ADORA2B: variants seen among roughly 807,000 people sequenced by gnomAD.
ADORA2B encodes the protein adenosine A2b receptor.
Under a neutral mutation model 20.8 loss-of-function variants are expected in ADORA2B, and 18 were observed. The observed-to-expected ratio is 0.87, with a 90% CI of 0.60 to 1.29. The LOEUF is 1.29. ADORA2B is among the 50% of genes most tolerant of loss of function. ADORA2B has a pLI of 0.00. For missense variants in ADORA2B, 441 were observed against 422.7 expected (o/e 1.04, Z -0.38); for synonymous variants, 179 against 178.3 (o/e 1.00, Z -0.03).
At chr17:15,909,733 A>G in the ADORA2B span, among the ~76,000 whole-genome samples, 2 of 152,206 alleles carry the variant, frequency 1.3e-5, no homozygotes, top group Non-Finnish European at 2.9e-5. Context: ...GGCTGACAGC[A>G]AATCCCAACA....
At chr17:15,938,371 C>T in the ADORA2B span, among the ~76,000 whole-genome samples, 4 of 152,114 alleles carry the variant, frequency 2.6e-5, no homozygotes, top group South Asian at 4.1e-4. Flanking sequence ...GGTGCAATCT[C>T]GGCTCACTGC....
At chr17:15,916,798 G>A in the ADORA2B span, among the ~76,000 whole-genome samples, 1 of 152,196 alleles carries the variant, frequency 6.6e-6, no homozygotes. Flanking sequence ...CCCTTAGAAG[G>A]GGTTGTGGCA....
At chr17:15,924,848 T>A in the ADORA2B span, among the ~76,000 whole-genome samples, 2 of 152,020 alleles carry the variant, frequency 1.3e-5, no homozygotes, top group African/African-American at 4.8e-5. Flanking sequence ...CTTTCAAATG[T>A]TTTTTTCTTT....
At chr17:15,895,480 A>C in the ADORA2B span, among the ~76,000 whole-genome samples, 1 of 152,290 alleles carries the variant, frequency 6.6e-6, no homozygotes, top group East Asian at 1.9e-4. Context: ...GTTGCACAGC[A>C]AATCCGGAGC....
At chr17:15,890,460 T>TTTA in the ADORA2B span, among the ~76,000 whole-genome samples, 26 of 83,312 alleles carry the variant, frequency 3.1e-4, 6 homozygotes, top group Non-Finnish European at 4.3e-4. Context: ...CATTCCTTTC[T>TTTA]TTTATTTATT....
intron 1 of ADORA2B, among the ~76,000 whole-genome samples, chr17:15,950,691 C>T (rs552496464): frequency 1.3e-5 from 2 of 152,190 alleles, no homozygotes; most frequent in African/African-American, 4.8e-5. Context: ...CACATCATAC[C>T]GTTCCCCTGC....
At chr17:15,880,490 C>T in the ADORA2B span, among the ~76,000 whole-genome samples, 2 of 142,706 alleles carry the variant, frequency 1.4e-5, no homozygotes, top group Non-Finnish European at 3.0e-5. Flanking sequence ...TGGGCAAGGG[C>T]CAAGACCACT....
At chr17:15,921,136 C>A in the ADORA2B span, among the ~76,000 whole-genome samples, 2 of 151,972 alleles carry the variant, frequency 1.3e-5, no homozygotes, top group Non-Finnish European at 2.9e-5. Flanking sequence ...GAGGATTTCT[C>A]CCCTGCTTCA....
At chr17:15,952,211 A>G (rs1969914113) in intron 1 of ADORA2B, among the ~76,000 whole-genome samples, 1 of 152,108 alleles carries the variant, frequency 6.6e-6, no homozygotes, top group Admixed American at 6.6e-5. Context: ...TCAGTTTATT[A>G]TCACAGCATG....
At chr17:15,950,782 C>T (rs937260263) in intron 1 of ADORA2B, among the ~76,000 whole-genome samples, 7 of 152,192 alleles carry the variant, frequency 4.6e-5, no homozygotes, top group African/African-American at 1.7e-4. Flanking sequence ...GCCTTCACCC[C>T]CCAATTCTCA....
intron 1 of ADORA2B, among the ~76,000 whole-genome samples, chr17:15,945,989 C>T (rs1047144517): frequency 3.9e-5 from 6 of 152,222 alleles, no homozygotes; most frequent in African/African-American, 9.6e-5. Context: ...TCCTAACACT[C>T]GCCCGCAGCG....
chr17:15,969,308 G>A (rs1970159011), intron 1 of ADORA2B, among the ~76,000 whole-genome samples: 1 of 152,056 alleles, frequency 6.6e-6, no homozygotes, highest in African/African-American at 2.4e-5. Flanking sequence ...AAAAGAAATA[G>A]CCGGGTGTGG....
the ADORA2B span, among the ~76,000 whole-genome samples, chr17:15,883,277 TA>T: frequency 9.2e-5 from 14 of 152,160 alleles, no homozygotes; most frequent in South Asian, 2.1e-4. Flanking sequence ...CTGTTTCCTT[TA>T]AAAAAAATTT....
At chr17:15,955,957 C>T (rs1344958445) in intron 1 of ADORA2B, among the ~76,000 whole-genome samples, 2 of 151,828 alleles carry the variant, frequency 1.3e-5, no homozygotes, top group Admixed American at 6.6e-5. Flanking sequence ...TGACCTCAAG[C>T]GATCTGCCTG....
the ADORA2B span, among the ~76,000 whole-genome samples, chr17:15,871,430 T>C: frequency 1.3e-5 from 2 of 152,022 alleles, no homozygotes; most frequent in African/African-American, 2.4e-5. Context: ...GTGCAGAAAA[T>C]AGTTAACCCA....
the ADORA2B span, among the ~76,000 whole-genome samples, chr17:15,892,036 C>CT: frequency 7.1e-6 from 1 of 141,648 alleles, no homozygotes; most frequent in East Asian, 2.1e-4. Flanking sequence ...TTTTTTTGTA[C>CT]TTTTAGTAGA....
At chr17:15,904,979 A>G in the ADORA2B span, among the ~76,000 whole-genome samples, 2 of 152,156 alleles carry the variant, frequency 1.3e-5, no homozygotes, top group Non-Finnish European at 2.9e-5. Context: ...CTTGAAATCT[A>G]GTCTTCTTTG....
chr17:15,889,019 C>T, the ADORA2B span, among the ~76,000 whole-genome samples: 12 of 117,064 alleles, frequency 1.0e-4, 4 homozygotes, highest in African/African-American at 4.6e-4. Flanking sequence ...CCCACCACCA[C>T]GCCTAGTTGA....
intron 1 of ADORA2B, among the ~76,000 whole-genome samples, chr17:15,954,231 G>A (rs1276137561): frequency 6.6e-6 from 1 of 152,060 alleles, no homozygotes; most frequent in East Asian, 1.9e-4. Context: ...CACCTGCCTC[G>A]GTCTCCCAAA....
Sources: allele counts gnomAD v4.1 joint callset (sites outside exome capture counted in the v4.1 genomes callset), GRCh38; gene constraint gnomAD v4.1.1; transcripts MANE v1.5; gene names NCBI Gene and HGNC (gene_info 2026-07-23, HGNC 2026-07-21).